ARFGEF2: variants seen among roughly 807,000 people sequenced by gnomAD.
ARFGEF2 encodes brefeldin A-inhibited guanine nucleotide-exchange protein 2.
Under a neutral mutation model 219.9 loss-of-function variants are expected in ARFGEF2, and 74 were observed. The ratio of observed to expected loss-of-function variants is 0.34; its 90% CI spans 0.28 to 0.41. ARFGEF2 has a LOEUF of 0.41. Ranked by LOEUF, ARFGEF2 falls within the 10% of genes least tolerant of loss-of-function variation. The pLI, the probability that ARFGEF2 is intolerant of heterozygous loss-of-function variation, is 1.00. For missense variants in ARFGEF2, 1,743 were observed against 2,218.3 expected (o/e 0.79, Z 4.30); for synonymous variants, 733 against 799.2 (o/e 0.92, Z 1.40).
Position 48,941,991 on chromosome 20 carries a change from C to T in ARFGEF2, c.276+4C>T, listed in dbSNP as rs1408630844. Reference sequence around the variant, plus strand: ...CACATCCCTTGACTGCTTGCAGGTACCATGTTTAAACTTCGTGTTGTCAAG... The same window carrying T: ...CACATCCCTTGACTGCTTGCAGGTATCATGTTTAAACTTCGTGTTGTCAAG... On this transcript the variant is annotated splice_donor_region_variant and intron_variant, in intron 3 of 38. Coordinates refer to ENST00000371917, the MANE Select transcript of ARFGEF2 (RefSeq NM_006420.3). 6.2e-7 allele frequency: 1 copy of T among 1,614,114 alleles called. No homozygotes were observed. Among genetic ancestry groups the T allele is most frequent in the Admixed American group, 1.7e-5 (1 of 60,010 alleles).
At chr20:49,008,994 C>A (rs562857116) in intron 26 of ARFGEF2, among the ~76,000 whole-genome samples, 1 of 152,200 alleles carries the variant, frequency 6.6e-6, no homozygotes, top group Non-Finnish European at 1.5e-5. Context: ...AGGTGTGAAC[C>A]ACCATGCACA....
chr20:49,006,619 A>C (rs1353751149), intron 26 of ARFGEF2, among the ~76,000 whole-genome samples: 1 of 152,188 alleles, frequency 6.6e-6, no homozygotes, highest in Admixed American at 6.5e-5. Flanking sequence ...GCCTGAAGGA[A>C]GTCAGGAATA....
rs752468275 is a variant in ARFGEF2, at chr20:48,974,892, C to A, written c.1774+18C>A. On this transcript the variant is annotated intron_variant, in intron 13 of 38. Coordinates refer to ENST00000371917, the MANE Select transcript of ARFGEF2 (RefSeq NM_006420.3). Reference sequence around the variant, plus strand: ...CAGCCTCGGTGAGACAGCATTGCTGCCACACCCACCTCCATTCATAATAGG... The same window carrying A: ...CAGCCTCGGTGAGACAGCATTGCTGACACACCCACCTCCATTCATAATAGG... The A allele has an allele frequency of 5.1e-6, 8 of 1,572,812 alleles. No homozygotes were observed. The Admixed American group carries it at 1.3e-4, about 26-fold the overall frequency.
At chr20:48,972,647 A>G (rs2091235613) in intron 11 of ARFGEF2, among the ~76,000 whole-genome samples, 2 of 152,224 alleles carry the variant, frequency 1.3e-5, no homozygotes, top group African/African-American at 4.8e-5. Context: ...CTCATGTCCC[A>G]GAAACCCCCT....
intron 7 of ARFGEF2, among the ~76,000 whole-genome samples, chr20:48,965,230 C>T (rs2091180267): frequency 6.6e-6 from 1 of 152,160 alleles, no homozygotes; most frequent in Non-Finnish European, 1.5e-5. Flanking sequence ...ACATAATTGG[C>T]ACTTGATAAA....
At chr20:49,000,499 G>A (rs1331623403) in intron 25 of ARFGEF2, among the ~76,000 whole-genome samples, 1 of 152,166 alleles carries the variant, frequency 6.6e-6, no homozygotes, top group Non-Finnish European at 1.5e-5. Flanking sequence ...TTTGTTGAGT[G>A]GATGGTATCA....
intron 13 of ARFGEF2, among the ~76,000 whole-genome samples, chr20:48,975,265 C>T (rs2123426592): frequency 6.6e-6 from 1 of 152,266 alleles, no homozygotes; most frequent in African/African-American, 2.4e-5. Flanking sequence ...TCACTGCAGC[C>T]TTAAACTCCT....
At chr20:48,969,006 A>G in intron 8 of ARFGEF2, 141 bp from the exon 9 acceptor site, 1 of 765,360 alleles carries the variant, frequency 1.3e-6, no homozygotes, top group Non-Finnish European at 2.3e-6. Context: ...TGTTCCCCAG[A>G]TTGGAGTGCA....
chr20:49,004,393 C>T (rs1600536247), intron 25 of ARFGEF2, among the ~76,000 whole-genome samples: 3 of 151,478 alleles, frequency 2.0e-5, no homozygotes, highest in East Asian at 3.9e-4. Flanking sequence ...TGAATGTATA[C>T]TACTGAACTG....
At chr20:48,950,801 AAAAAAAAAAAATATATAT>A (rs1420422247) in intron 3 of ARFGEF2, among the ~76,000 whole-genome samples, 8 of 35,444 alleles carry the variant, frequency 2.3e-4, no homozygotes, top group Non-Finnish European at 1.1e-4. Flanking sequence ...GTCTAAAAAA[AAAAAAAAAAAATATATAT>A]ATATATATAT....
At chr20:48,970,211 A>G (rs2091216517) in intron 9 of ARFGEF2, among the ~76,000 whole-genome samples, 1 of 152,172 alleles carries the variant, frequency 6.6e-6, no homozygotes, top group Non-Finnish European at 1.5e-5. Flanking sequence ...GCCACTCGGG[A>G]AGCTGAGGCA....
intron 1 of ARFGEF2, among the ~76,000 whole-genome samples, chr20:48,928,928 T>A (rs6019540): frequency 0.12 from 18,483 of 152,232 alleles, 1,755 homozygotes; most frequent in African/African-American, 0.27. Context: ...TTTAGAGCTC[T>A]ATCCTGTACT....
chr20:48,949,891 T>G (rs759494410), intron 3 of ARFGEF2, among the ~76,000 whole-genome samples: 14 of 152,292 alleles, frequency 9.2e-5, no homozygotes, highest in Middle Eastern at 3.4e-3. Context: ...AGAGTTCACA[T>G]GTATATGTGC....
At chr20:48,983,665 C>A (rs1244970255) in intron 14 of ARFGEF2, among the ~76,000 whole-genome samples, 1 of 152,130 alleles carries the variant, frequency 6.6e-6, no homozygotes, top group Non-Finnish European at 1.5e-5. Flanking sequence ...CTCTTTTTAC[C>A]ATGGTGCCTT....
intron 21 of ARFGEF2, 87 bp from the exon 22 acceptor site, chr20:48,994,364 T>C (rs1467055147): frequency 2.6e-6 from 4 of 1,544,178 alleles, no homozygotes; most frequent in African/African-American, 1.4e-5. Context: ...TTGAACCAAC[T>C]TTTTTTTAAT....
chr20:49,031,411 G>A (rs1329132231), intron 37 of ARFGEF2, among the ~76,000 whole-genome samples: 1 of 151,842 alleles, frequency 6.6e-6, no homozygotes, highest in Non-Finnish European at 1.5e-5. Flanking sequence ...TCTATTTTTA[G>A]TAGAAATGGG....
chr20:48,982,804 G>T (rs1230061499), intron 14 of ARFGEF2, among the ~76,000 whole-genome samples: 2 of 152,210 alleles, frequency 1.3e-5, no homozygotes, highest in Admixed American at 6.5e-5. Context: ...TGCTGAGCCA[G>T]GCACAGGATA....
At chr20:48,976,625 G>A (rs879776253) in intron 14 of ARFGEF2, among the ~76,000 whole-genome samples, 2 of 152,100 alleles carry the variant, frequency 1.3e-5, no homozygotes, top group Non-Finnish European at 2.9e-5. Flanking sequence ...TGGCTAACAC[G>A]GTGAACCCCT....
At chr20:49,016,579 C>G (rs986414193) in intron 31 of ARFGEF2, among the ~76,000 whole-genome samples, 164 bp downstream of exon 31, 1 of 152,072 alleles carries the variant, frequency 6.6e-6, no homozygotes, top group Non-Finnish European at 1.5e-5. Flanking sequence ...AGTGCCCCCC[C>G]CAAGTCAGTT....
Sources: allele counts gnomAD v4.1 joint callset (sites outside exome capture counted in the v4.1 genomes callset), GRCh38; gene constraint gnomAD v4.1.1; transcripts MANE v1.5; gene names NCBI Gene and HGNC (gene_info 2026-07-23, HGNC 2026-07-21).